The following NR6A1 variants were observed in gnomAD, a reference collection of about 807,000 sequenced individuals.
NR6A1 encodes the protein nuclear receptor subfamily 6 group A member 1, also known as retinoic acid receptor-related testis-associated receptor.
Under a neutral mutation model 59.1 loss-of-function variants are expected in NR6A1, and 7 were observed. The observed-to-expected ratio is 0.12, with a 90% CI of 0.07 to 0.22. The LOEUF (loss-of-function observed/expected upper bound fraction) is 0.22. Among genes scored for constraint, NR6A1 ranks in the 10% least tolerant of loss-of-function variants. The pLI is 1.00. For synonymous variants in NR6A1, 243 were observed against 236.1 expected (o/e 1.03, Z -0.27); for missense variants, 468 against 611.6 (o/e 0.77, Z 2.48).
chr9:124,709,854 G>C (rs774594925), intron 2 of NR6A1, among the ~76,000 whole-genome samples: 6 of 151,178 alleles, frequency 4.0e-5, no homozygotes, highest in Non-Finnish European at 8.8e-5. Context: ...AGAATCGCTT[G>C]AACCTTGCCT....
intron 2 of NR6A1, among the ~76,000 whole-genome samples, chr9:124,727,955 T>G (rs1024421289): frequency 6.6e-6 from 1 of 152,068 alleles, no homozygotes; most frequent in Non-Finnish European, 1.5e-5. Flanking sequence ...AGTACTAGGA[T>G]TACAGGTATG....
intron 2 of NR6A1, among the ~76,000 whole-genome samples, chr9:124,562,873 G>A (rs1834120713): frequency 6.6e-6 from 1 of 152,154 alleles, no homozygotes; most frequent in South Asian, 2.1e-4. Flanking sequence ...ACATGTGTCT[G>A]CTGAAATAAA....
chr9:124,577,581 T>G (rs190683531), intron 2 of NR6A1, among the ~76,000 whole-genome samples: 38 of 152,342 alleles, frequency 2.5e-4, no homozygotes, highest in Middle Eastern at 3.4e-3. Context: ...ATGGAGAAAC[T>G]GAGTCCAGAA....
chr9:124,538,918 A>C (rs934555276), intron 5 of NR6A1, among the ~76,000 whole-genome samples: 5 of 152,132 alleles, frequency 3.3e-5, no homozygotes, highest in East Asian at 1.9e-4. Context: ...AAAAAAAAAA[A>C]AAACCTAAGC....
At chr9:124,613,286 G>C (rs1396095856) in intron 2 of NR6A1, among the ~76,000 whole-genome samples, 1 of 152,180 alleles carries the variant, frequency 6.6e-6, no homozygotes, top group Non-Finnish European at 1.5e-5. Flanking sequence ...AGTGAGCTAA[G>C]AAGGTGCTAC....
intron 2 of NR6A1, among the ~76,000 whole-genome samples, chr9:124,646,375 C>T (rs1460434505): frequency 2.0e-5 from 3 of 151,858 alleles, no homozygotes; most frequent in East Asian, 1.9e-4. Flanking sequence ...GGCTAACTAA[C>T]GAAAAAAGAA....
chr9:124,737,937 T>C (rs1840061072), intron 1 of NR6A1, among the ~76,000 whole-genome samples: 3 of 151,894 alleles, frequency 2.0e-5, no homozygotes, highest in African/African-American at 4.8e-5. Flanking sequence ...CTGACCAACA[T>C]GGTAAAACGC....
intron 2 of NR6A1, among the ~76,000 whole-genome samples, chr9:124,654,171 G>A (rs1745568635): frequency 6.6e-6 from 1 of 152,172 alleles, no homozygotes; most frequent in African/African-American, 2.4e-5. Flanking sequence ...ACTGACATGT[G>A]AGAACCTTGG....
At chr9:124,678,688 G>C (rs917674528) in intron 2 of NR6A1, among the ~76,000 whole-genome samples, 95 of 152,070 alleles carry the variant, frequency 6.2e-4, no homozygotes, top group African/African-American at 2.2e-3. Context: ...CACAAATAAG[G>C]ATCTGCTTCT....
chr9:124,540,072 T>C lies in NR6A1; in HGVS notation c.557A>G (p.Glu186Gly). 1.2e-6 allele frequency: 2 copies of C among 1,613,226 alleles called. No individual in the cohort carries two copies. The highest frequency in any genetic ancestry group is 1.7e-6 in the Non-Finnish European group (2 of 1,179,608). Residue 186 changes from glutamate (E) to glycine (G), a missense_variant, in exon 5 of 10, where the codon GAG becomes GGG. Glu to Gly is a moderately conservative substitution (Grantham distance 98, BLOSUM62 -2). Around this residue, in one of 4 missense-constraint regions of NR6A1, gnomAD observed 151 missense variants for 142.8 expected, o/e 1.06. Coordinates refer to ENST00000487099, the MANE Select transcript of NR6A1 (RefSeq NM_033334.4). ...DHSSPGNRASESNQPSPGSTL... is the reference protein window; with the variant it reads ...DHSSPGNRASGSNQPSPGSTL... ...GGAGCCTGGTGAGGGCTGGTTGCTC[T>C]CCGAAGCCCTGTTCCCAGGGGAACT...
intron 1 of NR6A1, among the ~76,000 whole-genome samples, chr9:124,741,130 A>G (rs754729948): frequency 5.3e-5 from 8 of 152,246 alleles, no homozygotes; most frequent in Admixed American, 2.0e-4. Flanking sequence ...CATGTGGCCA[A>G]TGAGTACTTG....
intron 1 of NR6A1, among the ~76,000 whole-genome samples, chr9:124,739,160 C>T (rs1345964825): frequency 6.6e-6 from 1 of 150,384 alleles, no homozygotes; most frequent in Non-Finnish European, 1.5e-5. Flanking sequence ...TGCACTCCAG[C>T]CTGGACAACA....
At chr9:124,760,244 G>A (rs566637125) in intron 1 of NR6A1, among the ~76,000 whole-genome samples, 52 of 149,180 alleles carry the variant, frequency 3.5e-4, no homozygotes, top group African/African-American at 7.7e-4. Context: ...CCAGGGAGGC[G>A]GAGGCTGCAG....
intron 2 of NR6A1, among the ~76,000 whole-genome samples, chr9:124,578,683 C>T (rs1413089261): frequency 6.6e-6 from 1 of 152,092 alleles, no homozygotes; most frequent in Non-Finnish European, 1.5e-5. Flanking sequence ...ATTCATTTTC[C>T]AATCTATTCT....
At chr9:124,710,831 C>T (rs1233094056) in intron 2 of NR6A1, among the ~76,000 whole-genome samples, 1 of 152,172 alleles carries the variant, frequency 6.6e-6, no homozygotes, top group Non-Finnish European at 1.5e-5. Flanking sequence ...CTCAGAAGAA[C>T]TCCATTATCA....
chr9:124,523,042 T>A (rs576778243), intron 9 of NR6A1, among the ~76,000 whole-genome samples: 1 of 152,136 alleles, frequency 6.6e-6, no homozygotes, highest in Non-Finnish European at 1.5e-5. Context: ...TACTTAACTC[T>A]GTTCTAGGTG....
chr9:124,526,045 G>A (rs939797065), intron 8 of NR6A1, among the ~76,000 whole-genome samples: 3 of 152,206 alleles, frequency 2.0e-5, no homozygotes, highest in African/African-American at 7.2e-5. Flanking sequence ...GAGGAGAGGA[G>A]CTCTGGACTG....
chr9:124,528,234 G>C (rs1832995743), intron 7 of NR6A1, among the ~76,000 whole-genome samples: 2 of 152,160 alleles, frequency 1.3e-5, no homozygotes, highest in Admixed American at 1.3e-4. Flanking sequence ...GGAAAGCCTG[G>C]CTCTGGTTGG....
chr9:124,722,614 C>A (rs2131099608), intron 2 of NR6A1, among the ~76,000 whole-genome samples: 1 of 152,188 alleles, frequency 6.6e-6, no homozygotes, highest in East Asian at 1.9e-4. Context: ...TTTTATCTTG[C>A]CTATTTTTTA....
Sources: gnomAD v4.1 joint callset for allele counts (sites outside exome capture counted in the v4.1 genomes callset) on GRCh38, gnomAD v4.1.1 for gene constraint, gnomAD v4.1.1 regional missense constraint, MANE v1.5 for transcripts, NCBI Gene and HGNC (gene_info 2026-07-23, HGNC 2026-07-21) for gene names.